DNAAF1: variants seen among roughly 807,000 people sequenced by gnomAD.
The protein encoded by DNAAF1 is dynein assembly factor 1, axonemal.
DNAAF1 carries 65 observed loss-of-function variants against 71.1 expected under a neutral mutation model. That is an observed-to-expected ratio of 0.91 (90% confidence interval 0.75 to 1.12). The LOEUF is 1.12. Ranked by LOEUF, DNAAF1 falls within the 50% of genes most tolerant of loss-of-function variation. The pLI, the probability that DNAAF1 is intolerant of heterozygous loss-of-function variation, is 0.00. For missense variants in DNAAF1, 1,178 were observed against 899.8 expected (o/e 1.31, Z -3.96); for synonymous variants, 414 against 354.6 (o/e 1.17, Z -1.88).
rs111706807 is a variant in DNAAF1, at chr16:84,171,034, C to T, written c.1528+678C>T. 1.6e-4 allele frequency among the ~76,000 whole-genome samples: 24 copies of T among 152,148 alleles called. 1 individual carries two copies. Among genetic ancestry groups the T allele is most frequent in the African/African-American group, 4.6e-4 (19 of 41,504 alleles). On this transcript the variant is annotated intron_variant, in intron 8 of 11. Coordinates refer to ENST00000378553, the MANE Select transcript of DNAAF1 (RefSeq NM_178452.6). ...CCAGTATGTATTTGACATGGCTGAA[C>T]GGTAACTTTTTACTGGTGAAAGGTA...
At chr16:84,173,538 A>C in intron 9 of DNAAF1, 1 of 983,884 alleles carries the variant, frequency 1.0e-6, no homozygotes, top group Non-Finnish European at 1.2e-6. Context: ...AGCTATGTAA[A>C]AAAAAGAAAC....
intron 1 of DNAAF1, among the ~76,000 whole-genome samples, chr16:84,148,594 C>CT (rs2087025255): frequency 6.7e-5 from 2 of 30,046 alleles, no homozygotes; most frequent in East Asian, 1.7e-3. Context: ...CTCTCTCTCT[C>CT]TCTTTTTTTT....
At position 84,172,349 on chromosome 16, in the gene DNAAF1, G is replaced by C. The variant is rs752285725; in HGVS notation, c.1618G>C (p.Glu540Gln). The change falls in exon 9 of 12, where the codon GAG (glutamate) becomes CAG (glutamine). Residue 540 changes from glutamate to glutamine, a missense_variant. By Grantham distance (29) the Glu-to-Gln change is conservative. Coordinates refer to ENST00000378553, the MANE Select transcript of DNAAF1 (RefSeq NM_178452.6). ...RTEDLETIRL[E>Q]TKETFCIDDL... ...GGAAGATTTAGAAACCATTAGACTG[G>C]AGACAAAGGAGACATTCTGCATTGA... The C allele has an allele frequency of 1.2e-5, 20 of 1,614,000 alleles. No individual in the cohort carries two copies. In the Admixed American group the frequency reaches 1.8e-4, roughly 15 times the overall value.
intron 2 of DNAAF1, among the ~76,000 whole-genome samples, chr16:84,149,688 C>G (rs1333818902): frequency 3.5e-5 from 2 of 57,072 alleles, no homozygotes; most frequent in African/African-American, 1.3e-4. Context: ...GAGACTCCAT[C>G]TCAAAAAAAA....
At chr16:84,165,411 C>T (rs549355066) in intron 6 of DNAAF1, among the ~76,000 whole-genome samples, 1 of 152,064 alleles carries the variant, frequency 6.6e-6, no homozygotes, top group Non-Finnish European at 1.5e-5. Flanking sequence ...ATCTCGAACT[C>T]CTGGGCTCAA....
chr16:84,147,752 GCC>G (rs922871492), intron 1 of DNAAF1, among the ~76,000 whole-genome samples: 1 of 150,382 alleles, frequency 6.6e-6, no homozygotes, highest in Admixed American at 6.6e-5. Flanking sequence ...AAAGAAATAA[GCC>G]CCCCCCAAAA....
At chr16:84,177,169 C>CT (rs1358879565) in intron 11 of DNAAF1, 1 of 184,654 alleles carries the variant, frequency 5.4e-6, no homozygotes, top group African/African-American at 2.4e-5. Context: ...CCCGGGAACA[C>CT]TGAGTGGCCT....
At chr16:84,173,338 C>T (rs2088470190) in intron 9 of DNAAF1, 2 of 599,556 alleles carry the variant, frequency 3.3e-6, no homozygotes, top group Non-Finnish European at 4.2e-6. Context: ...GTGATGGGCA[C>T]CTGTAGTCCC....
intron 1 of DNAAF1, among the ~76,000 whole-genome samples, chr16:84,147,771 TAA>T (rs1045165226): frequency 1.5e-4 from 22 of 150,900 alleles, no homozygotes; most frequent in African/African-American, 4.9e-4. Context: ...AAAAAAAAAA[TAA>T]AAATAAATAA....
intron 3 of DNAAF1, among the ~76,000 whole-genome samples, chr16:84,150,693 G>A (rs2087142917): frequency 7.0e-6 from 1 of 142,626 alleles, no homozygotes; most frequent in Non-Finnish European, 1.5e-5. Flanking sequence ...TCTGCTCACT[G>A]CAACCTCTGT....
In DNAAF1 at chr16:84,149,155, A is replaced by C. The variant is rs746196193; in HGVS notation, c.260+13A>C. 9 of 1,613,970 alleles carry C rather than the reference A, an allele frequency of 5.6e-6. No homozygotes were observed. The South Asian group carries it at 7.7e-5, about 14-fold the overall frequency. On this transcript the variant is annotated intron_variant, in intron 2 of 11. Coordinates refer to ENST00000378553, the MANE Select transcript of DNAAF1 (RefSeq NM_178452.6). ...ATCGGGGCCCCAGGTATGTGGGCAT[A>C]CTCCTAATTAGTGCACATTTATGGA... is the stretch of plus-strand genomic sequence containing the variant.
intron 9 of DNAAF1, chr16:84,172,852 G>C: frequency 1.9e-6 from 2 of 1,034,952 alleles, no homozygotes; most frequent in South Asian, 3.6e-5. Context: ...GCTCATGGAG[G>C]TGTGACGGTT....
At chr16:84,153,119 G>A (rs1042268175) in intron 3 of DNAAF1, among the ~76,000 whole-genome samples, 2 of 152,004 alleles carry the variant, frequency 1.3e-5, no homozygotes, top group Non-Finnish European at 2.9e-5. Context: ...TTGTTTAGAC[G>A]TCACAGTGGT....
At chr16:84,163,522 A>G (rs2087818449) in intron 6 of DNAAF1, among the ~76,000 whole-genome samples, 1 of 151,978 alleles carries the variant, frequency 6.6e-6, no homozygotes, top group Non-Finnish European at 1.5e-5. Flanking sequence ...CTGGGATTAC[A>G]GGCATCTGCC....
intron 1 of DNAAF1, among the ~76,000 whole-genome samples, chr16:84,145,883 G>C (rs2086878274): frequency 6.6e-6 from 1 of 152,016 alleles, no homozygotes; most frequent in Admixed American, 6.6e-5. Flanking sequence ...CATCAGGTCA[G>C]TCAGGAGTTC....
chr16:84,174,344 T>A lies in DNAAF1; in HGVS notation c.1645-325T>A, dbSNP rs950031234. The A allele has an allele frequency of 4.0e-6, 5 of 1,259,384 alleles. No homozygotes were observed. In the African/African-American group the frequency reaches 7.6e-5, roughly 19 times the overall value. The allele number at this position is 1,259,384 out of a possible 1,614,324, so 78.0% of individuals were successfully genotyped here. A position where few individuals can be genotyped will look rare whatever the true frequency, so the allele number is the denominator to read the frequency against. The stretch of plus-strand genomic sequence containing the variant: ...CGGACTAGTTTGTACAGAGGTGCAT[T>A]TGGTTTGGGTCCCATTATTTCCCCC... On this transcript the variant is annotated intron_variant, in intron 9 of 11. Coordinates refer to ENST00000378553, the MANE Select transcript of DNAAF1 (RefSeq NM_178452.6).
chr16:84,177,604 C>T, intron 11 of DNAAF1, 125 bp from the exon 12 acceptor site: 2 of 804,110 alleles, frequency 2.5e-6, no homozygotes, highest in Non-Finnish European at 4.3e-6. Context: ...GCTGGGATTA[C>T]AGGTATGAGC....
intron 8 of DNAAF1, among the ~76,000 whole-genome samples, chr16:84,170,824 C>T (rs1452237081): frequency 6.6e-6 from 1 of 151,298 alleles, no homozygotes; most frequent in East Asian, 1.9e-4. Context: ...AGAGTGAGAC[C>T]CTCCCTCAAA....
rs766324556 is a variant in DNAAF1, at chr16:84,172,269, C to A, written c.1538C>A (p.Pro513His). 1.9e-6 allele frequency: 3 copies of A among 1,614,032 alleles called. No homozygotes were observed. In the South Asian group the frequency reaches 3.3e-5, roughly 18 times the overall value. The change falls in exon 9 of 12, where the codon CCC becomes CAC. Residue 513 changes from proline to histidine, a missense_variant. Physicochemically the swap from Pro to His is moderately conservative, Grantham distance 77 (BLOSUM62 -2). Transcript: ENST00000378553. ...TGTTGTTGCTCTTTAGAACCGACTC[C>A]CCAGGCTGTGGCCACTGAGGGTGTA... ...PLGAAREEPT[P>H]QAVATEGVFV...
Sources: gnomAD v4.1 joint callset for allele counts (sites outside exome capture counted in the v4.1 genomes callset) on GRCh38, gnomAD v4.1.1 for gene constraint, MANE v1.5 for transcripts, NCBI Gene and HGNC (gene_info 2026-07-23, HGNC 2026-07-21) for gene names.